The following ARHGAP17 variants were observed in gnomAD, a reference collection of about 807,000 sequenced individuals.
The protein encoded by ARHGAP17 is rho GTPase-activating protein 17.
ARHGAP17 carries 57 observed loss-of-function variants against 99.5 expected under a neutral mutation model. The ratio of observed to expected loss-of-function variants is 0.57; its 90% CI spans 0.46 to 0.71. The LOEUF (loss-of-function observed/expected upper bound fraction) is 0.71. Among genes scored for constraint, ARHGAP17 ranks in the 30% least tolerant of loss-of-function variants. The pLI, the probability that ARHGAP17 is intolerant of heterozygous loss-of-function variation, is 0.00. For synonymous variants in ARHGAP17, 417 were observed against 429.6 expected, an observed-to-expected ratio of 0.97 and a Z score of 0.36; for missense variants, 1,000 against 1,122.4, an observed-to-expected ratio of 0.89 and a Z score of 1.56.
rs140563533 is a variant in ARHGAP17, at chr16:24,922,852, T to C, written c.2516-2592A>G. Among the ~76,000 whole-genome samples the C allele has an allele frequency of 1.8e-4, 28 of 151,950 alleles. No individual in the cohort carries two copies. The East Asian group carries it at 4.8e-3, about 26-fold the overall frequency. ...CACCATGCCTGGCTAATTTTTTTTA[T>C]TTTTGGTAGAGACAAGGTTTCACCA... is the stretch of plus-strand genomic sequence containing the variant. On this transcript the variant is annotated intron_variant, in intron 19 of 19. Transcript: ENST00000289968.
chr16:25,000,929 C>T (rs1170582499), intron 1 of ARHGAP17, among the ~76,000 whole-genome samples: 2 of 152,156 alleles, frequency 1.3e-5, no homozygotes, highest in Admixed American at 6.5e-5. Flanking sequence ...TTGTGTGGTT[C>T]GAAAATGAGG....
chr16:24,944,425 CCAGT>C (rs1290350398), intron 14 of ARHGAP17, among the ~76,000 whole-genome samples: 1 of 152,084 alleles, frequency 6.6e-6, no homozygotes, highest in Admixed American at 6.5e-5. Context: ...GGCAGCAAAA[CCAGT>C]CAGTCAACAA....
At chr16:24,997,274 A>G (rs923734508) in intron 1 of ARHGAP17, among the ~76,000 whole-genome samples, 2 of 151,622 alleles carry the variant, frequency 1.3e-5, no homozygotes, top group African/African-American at 4.9e-5. Flanking sequence ...CCCAGTACAC[A>G]CCCAGACTCA....
At chr16:24,965,296 C>T (rs532011824) in intron 6 of ARHGAP17, among the ~76,000 whole-genome samples, 10 of 152,258 alleles carry the variant, frequency 6.6e-5, no homozygotes, top group Admixed American at 6.5e-4. Flanking sequence ...CGGTGAAACC[C>T]CATCTCTACT....
intron 3 of ARHGAP17, among the ~76,000 whole-genome samples, chr16:24,971,890 G>A (rs960617542): frequency 6.6e-6 from 1 of 152,204 alleles, no homozygotes; most frequent in Non-Finnish European, 1.5e-5. Flanking sequence ...TCAGACCTGA[G>A]TGCTGATGGC....
In ARHGAP17 at chr16:24,945,713, C is replaced by T. The variant is rs150851477; in HGVS notation, c.1241+1769G>A. Among the ~76,000 whole-genome samples the T allele has an allele frequency of 5.7e-4, 87 of 152,304 alleles. 1 individual carries two copies. In the East Asian group the frequency reaches 0.015, roughly 27 times the overall value. ...CTGCCTGTAAATGATCCTTCCCAGC[C>T]TTCCTCCCATGTGGAATCTGATCAG... is the stretch of plus-strand genomic sequence containing the variant. On this transcript the variant is annotated intron_variant, in intron 14 of 19. Transcript: ENST00000289968.
At chr16:25,013,392 G>A (rs1567277110) in intron 1 of ARHGAP17, among the ~76,000 whole-genome samples, 2 of 152,188 alleles carry the variant, frequency 1.3e-5, no homozygotes, top group Non-Finnish European at 2.9e-5. Flanking sequence ...GGAGGCCAAG[G>A]CAGGCAGATC....
intron 19 of ARHGAP17, among the ~76,000 whole-genome samples, chr16:24,928,641 C>T (rs1026453930): frequency 2.0e-4 from 31 of 152,186 alleles, no homozygotes; most frequent in African/African-American, 7.5e-4. Context: ...TTTCCACTTA[C>T]GGTTCCTACA....
intron 12 of ARHGAP17, among the ~76,000 whole-genome samples, chr16:24,950,313 A>G (rs113991920): frequency 1.7e-4 from 26 of 152,336 alleles, no homozygotes; most frequent in African/African-American, 6.3e-4. Flanking sequence ...ATAAACAAGG[A>G]AATCTTTTAT....
chr16:24,993,798 C>T (rs1023953975), intron 1 of ARHGAP17, among the ~76,000 whole-genome samples: 4 of 152,138 alleles, frequency 2.6e-5, no homozygotes, highest in South Asian at 2.1e-4. Context: ...ACCCTAACTC[C>T]GCCACAAACT....
At chr16:24,990,127 T>G (rs1434389908) in intron 1 of ARHGAP17, among the ~76,000 whole-genome samples, 6 of 152,192 alleles carry the variant, frequency 3.9e-5, no homozygotes, top group Non-Finnish European at 8.8e-5. Flanking sequence ...CCCATAAATA[T>G]GTACAAACAT....
intron 1 of ARHGAP17, among the ~76,000 whole-genome samples, chr16:24,998,582 G>C (rs1460311557): frequency 6.6e-6 from 1 of 152,174 alleles, no homozygotes; most frequent in Non-Finnish European, 1.5e-5. Context: ...TCAGAAAAGT[G>C]AAAGTCTGGC....
chr16:25,015,134 A>T, intron 1 of ARHGAP17, 75 bp downstream of exon 1: 1 of 1,186,592 alleles, frequency 8.4e-7, no homozygotes, highest in Non-Finnish European at 1.0e-6. Context: ...ACCGCGGAGG[A>T]GCCGTCCCGC....
At chr16:24,971,330 C>CT (rs5816272) in intron 3 of ARHGAP17, among the ~76,000 whole-genome samples, 335 of 134,288 alleles carry the variant, frequency 2.5e-3, no homozygotes, top group Middle Eastern at 0.012. Flanking sequence ...CTTAAATTGG[C>CT]TTTTTTTTTT....
intron 16 of ARHGAP17, among the ~76,000 whole-genome samples, chr16:24,940,577 T>G (rs1178688819): frequency 1.3e-5 from 2 of 152,120 alleles, no homozygotes; most frequent in African/African-American, 2.4e-5. Flanking sequence ...GGTGCGTGCC[T>G]ATAGTCCCAG....
intron 1 of ARHGAP17, among the ~76,000 whole-genome samples, chr16:25,009,340 C>G (rs1409940394): frequency 6.9e-6 from 1 of 144,114 alleles, no homozygotes; most frequent in Non-Finnish European, 1.5e-5. Context: ...GCACTCCAGT[C>G]TGGGCGGCAG....
chr16:24,947,922 T>G (rs1003276314), intron 13 of ARHGAP17, among the ~76,000 whole-genome samples: 68 of 152,232 alleles, frequency 4.5e-4, no homozygotes, highest in African/African-American at 1.6e-3. Context: ...AATAGTGAGC[T>G]CAATATTTTT....
At chr16:24,993,674 G>C (rs984630133) in intron 1 of ARHGAP17, among the ~76,000 whole-genome samples, 2 of 151,856 alleles carry the variant, frequency 1.3e-5, no homozygotes, top group East Asian at 3.9e-4. Flanking sequence ...TGTGCAGGCA[G>C]ACACCCATTA....
intron 18 of ARHGAP17, among the ~76,000 whole-genome samples, chr16:24,932,141 G>A (rs1284121534): frequency 6.6e-6 from 1 of 151,660 alleles, no homozygotes; most frequent in Admixed American, 6.6e-5. Context: ...GGGATGGGGG[G>A]ACTAGCCCAA....
Sources: allele counts gnomAD v4.1 joint callset (sites outside exome capture counted in the v4.1 genomes callset), GRCh38; gene constraint gnomAD v4.1.1; transcripts MANE v1.5; gene names NCBI Gene and HGNC (gene_info 2026-07-23, HGNC 2026-07-21).